Variants in YWHAE observed in about 807,000 individuals in gnomAD.
YWHAE encodes the protein tyrosine 3-monooxygenase/tryptophan 5-monooxygenase activation protein epsilon.
In YWHAE, 4 loss-of-function variants were observed where a neutral mutation model predicts 30.1. The observed-to-expected ratio is 0.13, with a 90% CI of 0.07 to 0.30. The LOEUF (loss-of-function observed/expected upper bound fraction) is 0.30, where lower values mean the gene tolerates loss of function less well. YWHAE is among the 10% of genes least tolerant of loss of function. The pLI is 1.00. For missense variants in YWHAE, 121 were observed against 315.9 expected (o/e 0.38, Z 4.68); for synonymous variants, 118 against 111.8 (o/e 1.06, Z -0.35).
chr17:1,358,767 T>C (rs1361199347), intron 4 of YWHAE, among the ~76,000 whole-genome samples: 2 of 145,604 alleles, frequency 1.4e-5, no homozygotes, highest in Admixed American at 6.9e-5. Context: ...GAGGTGGAGG[T>C]TGCAGTGAGC....
chr17:1,356,466 A>T (rs2072744708), intron 4 of YWHAE, among the ~76,000 whole-genome samples: 1 of 152,234 alleles, frequency 6.6e-6, no homozygotes, highest in African/African-American at 2.4e-5. Context: ...ATCTCAATGG[A>T]TAAGGAGAAA....
At chr17:1,387,330 G>A (rs2073314302) in intron 1 of YWHAE, among the ~76,000 whole-genome samples, 1 of 152,224 alleles carries the variant, frequency 6.6e-6, no homozygotes, top group African/African-American at 2.4e-5. Flanking sequence ...TGAAGCTCCA[G>A]TGAAACCTGA....
At chr17:1,394,697 T>C (rs9908552) in intron 1 of YWHAE, among the ~76,000 whole-genome samples, 73,032 of 151,852 alleles carry the variant, frequency 0.48, 18,988 homozygotes, top group African/African-American at 0.67. Flanking sequence ...CCAGGTACAG[T>C]GGCTCATACC....
Position 1,359,812 on chromosome 17 carries a change from T to TTTTG in YWHAE, c.578+1279_578+1280insCAAA, listed in dbSNP as rs1246096572. Reference sequence around the variant, plus strand: ...CAATGTATTCGGTGCCACTAAATTGTTGTGTGTGTGTGTGTGTGTGTGTGT... The same window carrying TTTTG: ...CAATGTATTCGGTGCCACTAAATTGTTTTGTGTGTGTGTGTGTGTGTGTGTGTGT... On this transcript the variant is annotated intron_variant, in intron 4 of 5. Coordinates refer to ENST00000264335, the MANE Select transcript of YWHAE (RefSeq NM_006761.5). Among the ~76,000 whole-genome samples the TTTTG allele has an allele frequency of 3.4e-4, 45 of 130,622 alleles. 1 individual carries two copies. The highest frequency in any genetic ancestry group is 3.2e-4 in the Non-Finnish European group (20 of 62,344). 85.7% of individuals were successfully genotyped at this position (130,622 alleles called of 152,430 possible).
chr17:1,396,381 G>A (rs1344043831), intron 1 of YWHAE, among the ~76,000 whole-genome samples: 4 of 151,728 alleles, frequency 2.6e-5, no homozygotes, highest in African/African-American at 9.7e-5. Flanking sequence ...CCGAGATTGT[G>A]CCACTTCAAT....
At chr17:1,363,044 G>A (rs139763345) in intron 2 of YWHAE, among the ~76,000 whole-genome samples, 1 of 152,110 alleles carries the variant, frequency 6.6e-6, no homozygotes, top group African/African-American at 2.4e-5. Flanking sequence ...CCCAATACCT[G>A]AGATCACACC....
intron 1 of YWHAE, among the ~76,000 whole-genome samples, chr17:1,370,479 C>A (rs2073022310): frequency 6.6e-6 from 1 of 150,898 alleles, no homozygotes; most frequent in African/African-American, 2.4e-5. Flanking sequence ...TGCTCTGTAG[C>A]CCAGGCAGTG....
intron 3 of YWHAE, 173 bp downstream of exon 3, chr17:1,361,729 A>C: frequency 1.9e-6 from 1 of 527,064 alleles, no homozygotes; most frequent in Non-Finnish European, 3.4e-6. Flanking sequence ...AAATAAGCAA[A>C]AGCTAATACA....
chr17:1,382,345 G>A (rs989249211), intron 1 of YWHAE, among the ~76,000 whole-genome samples: 3 of 134,026 alleles, frequency 2.2e-5, no homozygotes, highest in African/African-American at 8.7e-5. Context: ...ACCGCGCCCG[G>A]CCTTTTTTTT....
Position 1,391,319 on chromosome 17 carries a change from C to T in YWHAE, c.64+8728G>A, listed in dbSNP as rs893410839. Among the ~76,000 whole-genome samples, 29 of 152,004 alleles carry T rather than the reference C, an allele frequency of 1.9e-4. 1 individual carries two copies. The highest frequency in any genetic ancestry group is 1.3e-4 in the Admixed American group (2 of 15,256). On this transcript the variant is annotated intron_variant, in intron 1 of 5. Coordinates refer to ENST00000264335, the MANE Select transcript of YWHAE (RefSeq NM_006761.5). Reference sequence around the variant, plus strand: ...AAAAAAAAATTCAACCTCCTAGAGACGTAGATCTAAGCTATCTCTGTGATA... The same window carrying T: ...AAAAAAAAATTCAACCTCCTAGAGATGTAGATCTAAGCTATCTCTGTGATA...
At chr17:1,400,026 C>A in intron 1 of YWHAE, 21 bp downstream of exon 1, 1 of 1,609,424 alleles carries the variant, frequency 6.2e-7, no homozygotes, top group Non-Finnish European at 8.5e-7. Flanking sequence ...ATTCCAGCCC[C>A]CCGTTGCCCC....
chr17:1,381,331 A>G (rs2073202943), intron 1 of YWHAE, among the ~76,000 whole-genome samples: 1 of 152,052 alleles, frequency 6.6e-6, no homozygotes, highest in Non-Finnish European at 1.5e-5. Context: ...CCTGACCAAC[A>G]TGGAGAAACC....
Position 1,344,838 on chromosome 17 carries a change from G to A in YWHAE, c.*609C>T, listed in dbSNP as rs1292099561. The A allele has an allele frequency of 4.3e-6, 1 of 233,222 alleles. No homozygotes were observed. The highest frequency in any genetic ancestry group is 8.5e-6 in the Non-Finnish European group (1 of 117,730). 14.4% of individuals were successfully genotyped at this position (233,222 alleles called of 1,614,324 possible). A position where few individuals can be genotyped will look rare whatever the true frequency, so the allele number is the denominator to read the frequency against. Reference sequence around the variant, plus strand: ...TTCAGTGGGAGAGTAAAGTAGGCAAGAATGAGCAGCCACGGATTGTTGAAC... The same window carrying A: ...TTCAGTGGGAGAGTAAAGTAGGCAAAAATGAGCAGCCACGGATTGTTGAAC... On this transcript the variant is annotated 3_prime_UTR_variant, in exon 6 of 6. Coordinates refer to ENST00000264335, the MANE Select transcript of YWHAE (RefSeq NM_006761.5).
rs1046060234 is a variant in YWHAE at position 1,344,904 on chromosome 17, T to G, written c.*543A>C. ...GCTTTTCAGCAACATTTCAGCGGAG[T>G]TGGAAACATTTTTTACAGCAAAACC... On this transcript the variant is annotated 3_prime_UTR_variant, in exon 6 of 6. Coordinates refer to ENST00000264335, the MANE Select transcript of YWHAE (RefSeq NM_006761.5). The G allele has an allele frequency of 2.1e-5, 5 of 233,234 alleles. No individual in the cohort carries two copies. The highest frequency in any genetic ancestry group is 1.1e-4 in the African/African-American group (5 of 45,238). 14.4% of individuals were successfully genotyped at this position (233,234 alleles called of 1,614,324 possible).
At chr17:1,367,748 GAGTC>G (rs1348385036) in intron 1 of YWHAE, among the ~76,000 whole-genome samples, 2 of 152,230 alleles carry the variant, frequency 1.3e-5, no homozygotes, top group African/African-American at 2.4e-5. Flanking sequence ...TAAGTGAAAA[GAGTC>G]AGATTAAAAG....
rs963017543 is a variant in YWHAE at position 1,361,025 on chromosome 17, C to T, written c.578+67G>A. Reference sequence around the variant, plus strand: ...ACAAAGACAGGCCCAAGAAACAACACGGAAAACCCAAACAGCGCCCCCCTT... The same window carrying T: ...ACAAAGACAGGCCCAAGAAACAACATGGAAAACCCAAACAGCGCCCCCCTT... On this transcript the variant is annotated intron_variant, in intron 4 of 5. Transcript: ENST00000264335. 113 of 1,465,164 alleles carry T rather than the reference C, an allele frequency of 7.7e-5. No homozygotes were observed. In the African/African-American group the frequency reaches 9.2e-4, roughly 12 times the overall value. The allele number at this position is 1,465,164 out of a possible 1,614,324, so 90.8% of individuals were successfully genotyped here.
intron 1 of YWHAE, among the ~76,000 whole-genome samples, chr17:1,367,904 C>G (rs16945532): frequency 0.24 from 37,013 of 152,000 alleles, 5,302 homozygotes; most frequent in African/African-American, 0.39. Flanking sequence ...AAAAGTGGCA[C>G]GTTTAACTGT....
At chr17:1,367,333 T>G (rs1776437629) in intron 1 of YWHAE, among the ~76,000 whole-genome samples, 1 of 152,212 alleles carries the variant, frequency 6.6e-6, no homozygotes, top group Non-Finnish European at 1.5e-5. Context: ...CCATGCACAG[T>G]GGCTCACATC....
chr17:1,397,940 G>A (rs1470215689), intron 1 of YWHAE, among the ~76,000 whole-genome samples: 1 of 152,058 alleles, frequency 6.6e-6, no homozygotes, highest in Non-Finnish European at 1.5e-5. Context: ...CTGTATCAGA[G>A]TCCCATGTTC....
Sources: gnomAD v4.1 joint callset for allele counts (sites outside exome capture counted in the v4.1 genomes callset) on GRCh38, gnomAD v4.1.1 for gene constraint, MANE v1.5 for transcripts, NCBI Gene and HGNC (gene_info 2026-07-23, HGNC 2026-07-21) for gene names.